Variants in C7orf57 observed in about 807,000 individuals in gnomAD.
C7orf57 encodes chromosome 7 open reading frame 57, also known as uncharacterized protein C7orf57.
In C7orf57, 33 loss-of-function variants were observed where a neutral mutation model predicts 39.0. That is an observed-to-expected ratio of 0.85 (90% CI 0.64 to 1.13). The LOEUF (loss-of-function observed/expected upper bound fraction) is 1.13, where lower values mean the gene tolerates loss of function less well. Ranked by LOEUF, C7orf57 falls within the 50% of genes most tolerant of loss-of-function variation. The pLI, the probability that C7orf57 is intolerant of heterozygous loss-of-function variation, is 0.00. For synonymous variants in C7orf57, 124 were observed against 137.1 expected, an observed-to-expected ratio of 0.90 and a Z score of 0.67; for missense variants, 346 against 362.3, an observed-to-expected ratio of 0.95 and a Z score of 0.37.
intron 2 of C7orf57, among the ~76,000 whole-genome samples, chr7:48,040,145 C>T (rs550416798): frequency 6.6e-6 from 1 of 152,298 alleles, no homozygotes; most frequent in Non-Finnish European, 1.5e-5. Context: ...CAGGGAGTCT[C>T]CTGGGTGGTC....
chr7:48,051,101 G>A (rs1790860548), intron 6 of C7orf57, among the ~76,000 whole-genome samples: 1 of 145,042 alleles, frequency 6.9e-6, no homozygotes, highest in Non-Finnish European at 1.6e-5. Flanking sequence ...ATCAAGAAAT[G>A]ACTGGAGACA....
At chr7:48,053,729 G>T (rs1791030888) in intron 7 of C7orf57, among the ~76,000 whole-genome samples, 1 of 152,192 alleles carries the variant, frequency 6.6e-6, no homozygotes, top group African/African-American at 2.4e-5. Context: ...GAGATTACAG[G>T]TGTGAGTCAC....
At chr7:48,057,897 T>C (rs190011823) in intron 8 of C7orf57, among the ~76,000 whole-genome samples, 77 of 152,278 alleles carry the variant, frequency 5.1e-4, no homozygotes, top group African/African-American at 1.8e-3. Context: ...TTGTCCTTCA[T>C]TCTATTATGT....
chr7:48,054,601 C>T lies in C7orf57; in HGVS notation c.836C>T (p.Ser279Phe). The change falls in exon 8 of 9, where the codon TCT becomes TTT. Residue 279 changes from serine to phenylalanine, a missense_variant. Transcript: ENST00000348904. Reference protein sequence around the residue: ...SEGPEDTPESSQSPEESVSAS... With the variant: ...SEGPEDTPESFQSPEESVSAS... ...AATGTACTTTTTATTACAGAGTCTT[C>T]TCAAAGTGAGTACTTATAAAGTAAC... The T allele has an allele frequency of 6.5e-7, 1 of 1,549,206 alleles. No homozygotes were observed. The highest frequency in any genetic ancestry group is 8.7e-7 in the Non-Finnish European group (1 of 1,144,916).
chr7:48,051,711 C>CT (rs1386432338), intron 6 of C7orf57, among the ~76,000 whole-genome samples: 5 of 75,514 alleles, frequency 6.6e-5, no homozygotes, highest in East Asian at 7.1e-4. Flanking sequence ...CTCTCTCTCT[C>CT]TCCTTTCTTT....
Position 48,049,968 on chromosome 7 carries a change from TC to T in C7orf57, c.603del (p.Val202CysfsTer97), listed in dbSNP as rs771243137. The T allele has an allele frequency of 1.2e-6, 2 of 1,608,256 alleles. No individual in the cohort carries two copies. The highest frequency in any genetic ancestry group is 8.5e-7 in the Non-Finnish European group (1 of 1,174,932). On this transcript the variant is annotated frameshift_variant, in exon 6 of 9. Coordinates refer to ENST00000348904, the MANE Select transcript of C7orf57 (RefSeq NM_001100159.3). LOFTEE classifies it high-confidence loss of function. ...PKNPAGSRLS[F>X]PPVPGQKNSS... ...AATCCTGCAGGAAGTAGACTCTCCTTCCCCCCCGTGTAAGTGCTTGAGCTAC... is the reference window on the plus strand; with the variant it reads ...AATCCTGCAGGAAGTAGACTCTCCTTCCCCCCGTGTAAGTGCTTGAGCTAC...
chr7:48,043,724 T>G, intron 4 of C7orf57, 135 bp downstream of exon 4: 1 of 738,124 alleles, frequency 1.4e-6, no homozygotes, highest in East Asian at 2.7e-5. Flanking sequence ...TCTTTTACAA[T>G]AGCCTGCTCT....
intron 6 of C7orf57, among the ~76,000 whole-genome samples, chr7:48,051,952 CTTT>C (rs201842876): frequency 2.3e-4 from 25 of 109,148 alleles, no homozygotes; most frequent in Non-Finnish European, 4.3e-4. Flanking sequence ...TTTTTTCTTT[CTTT>C]TTTTTTTCTC....
At chr7:48,044,849 T>G (rs1790668094) in intron 4 of C7orf57, among the ~76,000 whole-genome samples, 1 of 152,240 alleles carries the variant, frequency 6.6e-6, no homozygotes, top group South Asian at 2.1e-4. Flanking sequence ...CCACCTGTCG[T>G]GGATTGAGAG....
At chr7:48,051,834 T>C (rs1488626148) in intron 6 of C7orf57, among the ~76,000 whole-genome samples, 735 of 62,160 alleles carry the variant, frequency 0.012, 12 homozygotes, top group South Asian at 0.023. Flanking sequence ...TTTCTTTCTT[T>C]CTTTCTTTCT....
chr7:48,051,080 G>A (rs1210268386), intron 6 of C7orf57, among the ~76,000 whole-genome samples: 2 of 151,898 alleles, frequency 1.3e-5, no homozygotes, highest in African/African-American at 4.8e-5. Flanking sequence ...ATGGTGAAAG[G>A]CTAAGCTAAC....
chr7:48,047,016 A>G (rs2128793971), intron 5 of C7orf57, among the ~76,000 whole-genome samples: 1 of 152,340 alleles, frequency 6.6e-6, no homozygotes, highest in South Asian at 2.1e-4. Context: ...ATAAAGGAAG[A>G]GAAGATGAAT....
At chr7:48,048,395 G>C (rs1468745962) in intron 5 of C7orf57, among the ~76,000 whole-genome samples, 1 of 152,136 alleles carries the variant, frequency 6.6e-6, no homozygotes, top group African/African-American at 2.4e-5. Context: ...ACAAGACTTA[G>C]GGCACATGTA....
In C7orf57 at chr7:48,054,535, C is replaced by G. The variant is rs1791054742; in HGVS notation, c.830-60C>G. 9.6e-6 allele frequency: 13 copies of G among 1,349,656 alleles called. 1 individual carries two copies. In the South Asian group the frequency reaches 1.3e-4, roughly 13 times the overall value. 83.6% of individuals were successfully genotyped at this position (1,349,656 alleles called of 1,614,324 possible). The stretch of plus-strand genomic sequence containing the variant: ...TCATTAAATCTTTAAGTAATTATGA[C>G]TTCTTTTAATACTTGATCTGTTTCA... On this transcript the variant is annotated intron_variant, in intron 7 of 8. Coordinates refer to ENST00000348904, the MANE Select transcript of C7orf57 (RefSeq NM_001100159.3).
chr7:48,058,482 G>T (rs562592865), intron 8 of C7orf57, among the ~76,000 whole-genome samples: 1 of 151,962 alleles, frequency 6.6e-6, no homozygotes, highest in Non-Finnish European at 1.5e-5. Flanking sequence ...TATCCAATTC[G>T]TTGGTGTATA....
At chr7:48,060,188 T>C in intron 8 of C7orf57, 38 bp from the exon 9 acceptor site, 1 of 1,361,316 alleles carries the variant, frequency 7.3e-7, no homozygotes, top group East Asian at 2.5e-5. Flanking sequence ...ATAGAAAATG[T>C]CATCTTTGTC....
chr7:48,036,380 C>T lies in C7orf57; in HGVS notation c.55+17C>T, dbSNP rs766968928. The T allele has an allele frequency of 3.2e-6, 5 of 1,560,220 alleles. No homozygotes were observed. The East Asian group carries it at 1.2e-4, about 37-fold the overall frequency. ...CTCCCTGCGGTGAGTGCGCCCTGAGCGCGTCCCGGCCAGAAAGAGCTGGGT... is the reference window on the plus strand; with the variant it reads ...CTCCCTGCGGTGAGTGCGCCCTGAGTGCGTCCCGGCCAGAAAGAGCTGGGT... On this transcript the variant is annotated intron_variant, in intron 2 of 8. Coordinates refer to ENST00000348904, the MANE Select transcript of C7orf57 (RefSeq NM_001100159.3).
At chr7:48,051,867 CTT>C (rs1554299790) in intron 6 of C7orf57, among the ~76,000 whole-genome samples, 1 of 64,372 alleles carries the variant, frequency 1.6e-5, no homozygotes. Context: ...TTCTTTCTTT[CTT>C]TCTCTTTCTC....
intron 3 of C7orf57, among the ~76,000 whole-genome samples, chr7:48,041,863 A>G (rs1164427386): frequency 1.3e-5 from 2 of 152,222 alleles, no homozygotes; most frequent in Admixed American, 6.5e-5. Context: ...CTGTCTTTGC[A>G]TGCTACCAAT....
Sources: gnomAD v4.1 joint callset for allele counts (sites outside exome capture counted in the v4.1 genomes callset) on GRCh38, gnomAD v4.1.1 for gene constraint, MANE v1.5 for transcripts, NCBI Gene and HGNC (gene_info 2026-07-23, HGNC 2026-07-21) for gene names.